SCAI: variants seen among roughly 807,000 people sequenced by gnomAD.
The protein encoded by SCAI is suppressor of cancer cell invasion.
Under a neutral mutation model 92.2 loss-of-function variants are expected in SCAI, and 24 were observed. The observed-to-expected ratio is 0.26, with a 90% CI of 0.19 to 0.37. SCAI has a LOEUF of 0.37. Among genes scored for constraint, SCAI ranks in the 10% least tolerant of loss-of-function variants. The pLI, the probability that SCAI is intolerant of heterozygous loss-of-function variation, is 1.00. For missense variants in SCAI, 450 were observed against 736.2 expected (o/e 0.61, Z 4.50); for synonymous variants, 261 against 258.6 (o/e 1.01, Z -0.09).
intron 2 of SCAI, among the ~76,000 whole-genome samples, chr9:125,105,868 G>A (rs1371433299): frequency 1.3e-5 from 2 of 151,586 alleles, no homozygotes; most frequent in African/African-American, 4.8e-5. Flanking sequence ...GGAGGCCGAG[G>A]CAGGCAGATC....
chr9:125,094,831 T>C lies in SCAI; in HGVS notation c.99-38824A>G, dbSNP rs528317336. Among the ~76,000 whole-genome samples the C allele has an allele frequency of 3.3e-5, 5 of 152,250 alleles. No homozygotes were observed. The South Asian group carries it at 1.0e-3, about 32-fold the overall frequency. On this transcript the variant is annotated intron_variant, in intron 2 of 17. Transcript: ENST00000336505. ...TTTATTTATTATCTATCTCCAAATA[T>C]AATGCAAACTTCATGAGGGGAGGGA...
In SCAI at chr9:125,090,483, G is replaced by A. The variant is rs374455187; in HGVS notation, c.99-34476C>T. Among the ~76,000 whole-genome samples, 5 of 152,052 alleles carry A rather than the reference G, an allele frequency of 3.3e-5. No individual in the cohort carries two copies. In the South Asian group the frequency reaches 1.0e-3, roughly 32 times the overall value. ...GAGGAAGGAGGATGATGAAGAAGGA[G>A]AAGGAAGGGGCAGGGGAGAAGGAAG... On this transcript the variant is annotated intron_variant, in intron 2 of 17. Coordinates refer to ENST00000336505, the MANE Select transcript of SCAI (RefSeq NM_001144877.3).
chr9:125,115,499 C>T (rs748131707), intron 2 of SCAI, among the ~76,000 whole-genome samples: 1 of 151,116 alleles, frequency 6.6e-6, no homozygotes, highest in African/African-American at 2.4e-5. Flanking sequence ...TAAACAGTGA[C>T]ATAGTCATGT....
Position 125,106,032 on chromosome 9 carries a change from G to A in SCAI, c.98+36601C>T, listed in dbSNP as rs1382668318. ...GAATCACCTGAACCCAGCAAGCGGA[G>A]GTTGCAGTGAGCCAAGATCACACCA... On this transcript the variant is annotated intron_variant, in intron 2 of 17. Transcript: ENST00000336505. Among the ~76,000 whole-genome samples, 6 of 140,694 alleles carry A rather than the reference G, an allele frequency of 4.3e-5. No individual in the cohort carries two copies. The South Asian group carries it at 1.4e-3, about 33-fold the overall frequency. The allele number at this position is 140,694 out of a possible 152,430, so 92.3% of individuals were successfully genotyped here.
At chr9:125,084,331 C>A (rs368682343) in intron 2 of SCAI, among the ~76,000 whole-genome samples, 4 of 151,758 alleles carry the variant, frequency 2.6e-5, no homozygotes, top group Admixed American at 6.6e-5. Context: ...CCACCACGCC[C>A]GGCTAACTTT....
intron 2 of SCAI, 49 bp from the exon 3 acceptor site, chr9:125,056,056 GA>G (rs748153037): frequency 5.1e-5 from 72 of 1,414,844 alleles, no homozygotes; most frequent in Non-Finnish European, 6.7e-5. Context: ...AATAAAAATA[GA>G]AAAAAACCTT....
intron 2 of SCAI, among the ~76,000 whole-genome samples, chr9:125,080,160 A>T (rs1317507014): frequency 6.6e-6 from 1 of 152,192 alleles, no homozygotes; most frequent in Non-Finnish European, 1.5e-5. Flanking sequence ...CACGCTCCAG[A>T]AACTATGCCA....
chr9:124,957,590 T>G (rs1831345338), intron 17 of SCAI, among the ~76,000 whole-genome samples: 2 of 149,616 alleles, frequency 1.3e-5, no homozygotes, highest in African/African-American at 4.9e-5. Flanking sequence ...CAGGCTGGTC[T>G]CCAACTCCTG....
intron 2 of SCAI, among the ~76,000 whole-genome samples, chr9:125,066,776 G>A (rs752274955): frequency 6.6e-6 from 1 of 152,026 alleles, no homozygotes; most frequent in African/African-American, 2.4e-5. Context: ...TAAAGATGCA[G>A]TTGTGCTTGG....
At chr9:125,143,338 T>C in intron 1 of SCAI, 47 bp downstream of exon 1, 1 of 984,888 alleles carries the variant, frequency 1.0e-6, no homozygotes, top group Non-Finnish European at 1.3e-6. Flanking sequence ...GCCCGCTCCC[T>C]GGCCCCCACC....
chr9:125,137,592 T>C (rs550813096), intron 2 of SCAI, among the ~76,000 whole-genome samples: 93 of 152,318 alleles, frequency 6.1e-4, no homozygotes, highest in Non-Finnish European at 1.2e-3. Context: ...TTGAGAAGTA[T>C]AAGAAGCAAT....
chr9:125,021,268 C>G (rs1313763981), intron 6 of SCAI, among the ~76,000 whole-genome samples: 2 of 152,130 alleles, frequency 1.3e-5, no homozygotes, highest in Non-Finnish European at 2.9e-5. Context: ...AAAATATGAT[C>G]TCTGTGCCTT....
chr9:124,987,138 C>T (rs1226121694), intron 14 of SCAI, among the ~76,000 whole-genome samples: 1 of 152,132 alleles, frequency 6.6e-6, no homozygotes, highest in Non-Finnish European at 1.5e-5. Context: ...ATTCTCCTGC[C>T]TCGGCCTCCT....
chr9:125,132,110 T>C (rs149037273), intron 2 of SCAI, among the ~76,000 whole-genome samples: 1 of 151,610 alleles, frequency 6.6e-6, no homozygotes, highest in African/African-American at 2.4e-5. Context: ...TTTTCTTTTC[T>C]TTTTTCCTTT....
chr9:125,014,913 GACAA>G lies in SCAI; in HGVS notation c.861+3882_861+3885del, dbSNP rs374379854. Among the ~76,000 whole-genome samples the G allele has an allele frequency of 9.2e-3, 1,397 of 152,200 alleles. 13 individuals are homozygous for G. Among genetic ancestry groups the G allele is most frequent in the East Asian group, 0.035 (180 of 5,186 alleles). ...ACTATCTGATCTTTGACAAACCTGA[GACAA>G]ACAAGCAATGGGGAAAGGATTCCCT... On this transcript the variant is annotated intron_variant, in intron 9 of 17. Coordinates refer to ENST00000336505, the MANE Select transcript of SCAI (RefSeq NM_001144877.3).
rs1055927902 is a variant in SCAI at position 125,009,701 on chromosome 9, C to A, written c.862-6131G>T. On this transcript the variant is annotated intron_variant, in intron 9 of 17. Transcript: ENST00000336505. ...GCTAGGAGTTTGAGACCAGCCTGGC[C>A]AACATGGCGAAACCCTGTCTCTACT... Among the ~76,000 whole-genome samples, 11 of 150,758 alleles carry A rather than the reference C, an allele frequency of 7.3e-5. 1 individual carries two copies. The highest frequency in any genetic ancestry group is 2.7e-4 in the African/African-American group (11 of 41,028).
At chr9:125,101,050 C>A (rs1327932216) in intron 2 of SCAI, among the ~76,000 whole-genome samples, 1 of 152,034 alleles carries the variant, frequency 6.6e-6, no homozygotes, top group African/African-American at 2.4e-5. Context: ...CACAGTGAGA[C>A]CCCATCTCTT....
Position 124,950,631 on chromosome 9 carries a change from C to T in SCAI, c.*2176G>A, listed in dbSNP as rs537931592. ...GAAAGCTATGAAGTTTATTAAGATA[C>T]TGAAAAAAAAGGAAAGCAGTCTTTA... is the stretch of plus-strand genomic sequence containing the variant. On this transcript the variant is annotated 3_prime_UTR_variant, in exon 18 of 18. Coordinates refer to ENST00000336505, the MANE Select transcript of SCAI (RefSeq NM_001144877.3). 2.0e-5 allele frequency: 3 copies of T among 151,750 alleles called. 1 individual carries two copies. In the South Asian group the frequency reaches 6.2e-4, roughly 32 times the overall value. The allele number at this position is 151,750 out of a possible 1,614,324, so 9.4% of individuals were successfully genotyped here.
At chr9:124,966,916 C>CTTT (rs35221252) in intron 17 of SCAI, among the ~76,000 whole-genome samples, 20 of 134,202 alleles carry the variant, frequency 1.5e-4, no homozygotes, top group East Asian at 4.4e-4. Flanking sequence ...CCCAGCTTGA[C>CTTT]TTTTTTTTTT....
Sources: gnomAD v4.1 joint callset for allele counts (sites outside exome capture counted in the v4.1 genomes callset) on GRCh38, gnomAD v4.1.1 for gene constraint, MANE v1.5 for transcripts, NCBI Gene and HGNC (gene_info 2026-07-23, HGNC 2026-07-21) for gene names.